EML6: variants seen among roughly 807,000 people sequenced by gnomAD.
The protein encoded by EML6 is echinoderm microtubule-associated protein-like 6.
Under a neutral mutation model 240.1 loss-of-function variants are expected in EML6, and 154 were observed. The observed-to-expected ratio is 0.64, with a 90% CI of 0.56 to 0.73. EML6 has a LOEUF of 0.73. Ranked by LOEUF, EML6 falls within the 30% of genes least tolerant of loss-of-function variation. EML6 has a pLI of 0.00. For missense variants in EML6, 2,964 were observed against 2,474.6 expected, an observed-to-expected ratio of 1.20 and a Z score of -4.20; for synonymous variants, 1,148 against 899.0, an observed-to-expected ratio of 1.28 and a Z score of -4.95.
At chr2:54,753,550 G>T (rs1412269783) in intron 2 of EML6, among the ~76,000 whole-genome samples, 1 of 152,054 alleles carries the variant, frequency 6.6e-6, no homozygotes, top group Non-Finnish European at 1.5e-5. Flanking sequence ...TGGCTTTGAA[G>T]ATGAAAGGGA....
chr2:54,923,082 C>T (rs533221910), intron 26 of EML6, among the ~76,000 whole-genome samples: 6 of 151,754 alleles, frequency 4.0e-5, no homozygotes, highest in Non-Finnish European at 7.4e-5. Context: ...GCTGAGATTA[C>T]AGGCATGTGG....
intron 24 of EML6, among the ~76,000 whole-genome samples, chr2:54,907,376 G>A (rs1425196017): frequency 5.3e-5 from 8 of 152,024 alleles, no homozygotes; most frequent in South Asian, 2.1e-4. Context: ...GTGTGGTGGC[G>A]GGCGCCTGTA....
chr2:54,912,345 T>A (rs377252566), intron 25 of EML6, among the ~76,000 whole-genome samples: 10 of 152,360 alleles, frequency 6.6e-5, no homozygotes, highest in Middle Eastern at 3.4e-3. Context: ...GTATTTTTAA[T>A]TACGTCCTTC....
intron 2 of EML6, among the ~76,000 whole-genome samples, chr2:54,807,644 A>G (rs774347996): frequency 6.6e-6 from 1 of 152,248 alleles, no homozygotes. Flanking sequence ...CCATATGGAT[A>G]GGATAGCAAT....
At chr2:54,809,791 C>CT (rs1456924431) in intron 2 of EML6, among the ~76,000 whole-genome samples, 1 of 152,022 alleles carries the variant, frequency 6.6e-6, no homozygotes, top group Non-Finnish European at 1.5e-5. Context: ...AGCTTTTCTC[C>CT]TTTTTTGAGG....
chr2:54,740,780 C>T (rs1244290442), intron 2 of EML6, among the ~76,000 whole-genome samples: 1 of 151,686 alleles, frequency 6.6e-6, no homozygotes, highest in Non-Finnish European at 1.5e-5. Flanking sequence ...GACTTGCAGG[C>T]CTATTTTTCT....
At chr2:54,835,641 T>G (rs2104227989) in intron 7 of EML6, among the ~76,000 whole-genome samples, 1 of 152,286 alleles carries the variant, frequency 6.6e-6, no homozygotes, top group South Asian at 2.1e-4. Context: ...AGAGTGTTCA[T>G]GCTTATTACT....
chr2:54,784,083 A>G (rs1668969774), intron 2 of EML6, among the ~76,000 whole-genome samples: 1 of 152,060 alleles, frequency 6.6e-6, no homozygotes, highest in Admixed American at 6.6e-5. Flanking sequence ...AGTAGCTAGG[A>G]CTACAGGCAT....
intron 7 of EML6, among the ~76,000 whole-genome samples, chr2:54,843,767 C>T (rs1314102076): frequency 2.0e-5 from 3 of 149,472 alleles, no homozygotes; most frequent in Admixed American, 6.7e-5. Context: ...GGCGTGAACC[C>T]GGGAGGCGGA....
At chr2:54,951,928 C>T (rs1304603201) in intron 30 of EML6, among the ~76,000 whole-genome samples, 2 of 152,182 alleles carry the variant, frequency 1.3e-5, no homozygotes, top group Non-Finnish European at 2.9e-5. Context: ...CATCATTCAT[C>T]TTTAGGTTCT....
At chr2:54,883,265 T>C (rs1671936927) in intron 17 of EML6, among the ~76,000 whole-genome samples, 2 of 152,248 alleles carry the variant, frequency 1.3e-5, no homozygotes, top group Non-Finnish European at 2.9e-5. Flanking sequence ...ATTGTACATA[T>C]GCTCTATAAC....
Position 54,895,131 on chromosome 2 carries a change from C to A in EML6, c.2854+105C>A, listed in dbSNP as rs1000570054. 7.6e-6 allele frequency: 10 copies of A among 1,307,564 alleles called. No individual in the cohort carries two copies. The African/African-American group carries it at 1.5e-4, about 19-fold the overall frequency. 81.0% of individuals were successfully genotyped at this position (1,307,564 alleles called of 1,614,324 possible). Reference sequence around the variant, plus strand: ...TTAGCAAATCAATTTTCTCCCTCTTCCATGTTTAGAACTCTCTTCCTCTGG... The same window carrying A: ...TTAGCAAATCAATTTTCTCCCTCTTACATGTTTAGAACTCTCTTCCTCTGG... On this transcript the variant is annotated intron_variant, in intron 20 of 41. Coordinates refer to ENST00000356458, the MANE Select transcript of EML6 (RefSeq NM_001039753.4).
At chr2:54,858,407 T>G (rs1317575660) in intron 11 of EML6, among the ~76,000 whole-genome samples, 1 of 152,186 alleles carries the variant, frequency 6.6e-6, no homozygotes, top group Non-Finnish European at 1.5e-5. Flanking sequence ...GAGGAAGGTA[T>G]AAAGGTCAAG....
At chr2:54,797,169 A>AAAAAAAAAC (rs1669842315) in intron 2 of EML6, among the ~76,000 whole-genome samples, 7 of 133,478 alleles carry the variant, frequency 5.2e-5, no homozygotes, top group South Asian at 2.4e-4. Context: ...CATCTCAAAA[A>AAAAAAAAAC]AAAAAAAAAA....
Position 54,945,855 on chromosome 2 carries a change from C to T in EML6, c.4005-3027C>T, listed in dbSNP as rs56963109. 1.8e-4 allele frequency among the ~76,000 whole-genome samples: 27 copies of T among 152,352 alleles called. No homozygotes were observed. The East Asian group carries it at 4.6e-3, about 26-fold the overall frequency. ...CTAAGCTTTCTCTTCAGCAGCCCAG[C>T]GCTGGGCAGTGGGATGACAGCAGGA... On this transcript the variant is annotated intron_variant, in intron 28 of 41. Coordinates refer to ENST00000356458, the MANE Select transcript of EML6 (RefSeq NM_001039753.4).
intron 7 of EML6, among the ~76,000 whole-genome samples, chr2:54,835,982 C>T (rs529643259): frequency 6.6e-5 from 10 of 152,290 alleles, no homozygotes; most frequent in Middle Eastern, 3.4e-3. Context: ...TCTCCAGTCC[C>T]GCGGGCGGCT....
At chr2:54,793,385 C>CTTT (rs10683746) in intron 2 of EML6, among the ~76,000 whole-genome samples, 23,393 of 121,386 alleles carry the variant, frequency 0.19, 2,757 homozygotes, top group Middle Eastern at 0.25. Flanking sequence ...TATGAGTAGG[C>CTTT]TTTTTTTTTT....
chr2:54,812,526 ATTT>A (rs3841892), intron 2 of EML6, among the ~76,000 whole-genome samples: 2 of 150,710 alleles, frequency 1.3e-5, no homozygotes, highest in Admixed American at 6.6e-5. Context: ...CATTAGGGTG[ATTT>A]TTTTTTTTTA....
At chr2:54,963,917 G>A in intron 36 of EML6, 69 bp from the exon 37 acceptor site, 2 of 1,434,404 alleles carry the variant, frequency 1.4e-6, no homozygotes, top group Non-Finnish European at 1.9e-6. Flanking sequence ...CTGGCCTGGT[G>A]CAGAATGTCT....
Sources: gnomAD v4.1 joint callset for allele counts (sites outside exome capture counted in the v4.1 genomes callset) on GRCh38, gnomAD v4.1.1 for gene constraint, MANE v1.5 for transcripts, NCBI Gene and HGNC (gene_info 2026-07-23, HGNC 2026-07-21) for gene names.